The following RANBP2 variants were observed in gnomAD, a reference collection of about 807,000 sequenced individuals.
RANBP2 encodes the protein RAN binding protein 2.
In RANBP2, 57 loss-of-function variants were observed where a neutral mutation model predicts 303.6. The ratio of observed to expected loss-of-function variants is 0.19; its 90% CI spans 0.15 to 0.23. The LOEUF is 0.23. Ranked by LOEUF, RANBP2 falls within the 10% of genes least tolerant of loss-of-function variation. RANBP2 has a pLI of 1.00. For synonymous variants in RANBP2, 1,167 were observed against 1,301.5 expected (o/e 0.90, Z 2.23); for missense variants, 3,138 against 3,780.8 (o/e 0.83, Z 4.46).
the RANBP2 span, among the ~76,000 whole-genome samples, chr2:109,132,211 T>G: frequency 2.0e-5 from 3 of 152,222 alleles, no homozygotes; most frequent in Non-Finnish European, 4.4e-5. Flanking sequence ...ATTTTCCAAT[T>G]AGAAGCTCCT....
the RANBP2 span, among the ~76,000 whole-genome samples, chr2:109,201,037 A>G: frequency 1.3e-4 from 20 of 151,956 alleles, no homozygotes; most frequent in East Asian, 3.7e-3. Context: ...CCTGGGTGGG[A>G]CCCTGTGAGC....
chr2:109,516,798 C>T, the RANBP2 span, among the ~76,000 whole-genome samples: 4 of 152,242 alleles, frequency 2.6e-5, no homozygotes, highest in South Asian at 4.1e-4. Context: ...ATCTGCTAAA[C>T]GATGGCTGCA....
At chr2:109,460,836 AC>A in the RANBP2 span, among the ~76,000 whole-genome samples, 3 of 152,358 alleles carry the variant, frequency 2.0e-5, no homozygotes, top group African/African-American at 7.2e-5. Flanking sequence ...AGCAAAGTGC[AC>A]AACCAGGTGC....
At chr2:109,331,656 T>C in the RANBP2 span, among the ~76,000 whole-genome samples, 1 of 152,218 alleles carries the variant, frequency 6.6e-6, no homozygotes, top group Admixed American at 6.5e-5. Flanking sequence ...ATAAAGTGTA[T>C]GCTCCCTTAA....
the RANBP2 span, among the ~76,000 whole-genome samples, chr2:109,248,277 T>C: frequency 6.6e-6 from 1 of 152,248 alleles, no homozygotes; most frequent in East Asian, 1.9e-4. Context: ...TTTTCTTTTC[T>C]GATGTGCTCA....
At chr2:109,725,081 G>A in the RANBP2 span, among the ~76,000 whole-genome samples, 6 of 152,312 alleles carry the variant, frequency 3.9e-5, no homozygotes, top group Admixed American at 2.6e-4. Flanking sequence ...AGTGGCCACC[G>A]TGTGCCAGGC....
At chr2:109,236,069 C>T in the RANBP2 span, among the ~76,000 whole-genome samples, 2 of 152,076 alleles carry the variant, frequency 1.3e-5, no homozygotes, top group Non-Finnish European at 2.9e-5. Flanking sequence ...GGGTTGGTTT[C>T]GCCTTGACCT....
At chr2:109,588,691 G>A in the RANBP2 span, among the ~76,000 whole-genome samples, 6 of 150,766 alleles carry the variant, frequency 4.0e-5, no homozygotes, top group East Asian at 2.0e-4. Context: ...GGGTTTCACC[G>A]TGTTGGCCAG....
chr2:108,763,456 C>A lies in RANBP2; in HGVS notation c.2917C>A (p.Pro973Thr). 1.2e-6 allele frequency: 2 copies of A among 1,614,028 alleles called. No individual in the cohort carries two copies. The highest frequency in any genetic ancestry group is 1.7e-6 in the Non-Finnish European group (2 of 1,179,974). The change falls in exon 20 of 29, where the codon CCA (proline) becomes ACA (threonine). Residue 973 changes from proline to threonine, a missense_variant. Physicochemically the swap from Pro to Thr is conservative, Grantham distance 38. Transcript: ENST00000283195. Reference sequence around the variant, plus strand: ...CAATGTTCAACAGACAAGCACAAATCCACCTTTGCCAGAACCAGGATATTT... The same window carrying A: ...CAATGTTCAACAGACAAGCACAAATACACCTTTGCCAGAACCAGGATATTT... ...NYNVQQTSTNPPLPEPGYFTK... is the reference protein window; with the variant it reads ...NYNVQQTSTNTPLPEPGYFTK...
chr2:109,593,316 CAT>C, the RANBP2 span, among the ~76,000 whole-genome samples: 1 of 151,380 alleles, frequency 6.6e-6, no homozygotes, highest in Non-Finnish European at 1.5e-5. Flanking sequence ...AAGTAAATTA[CAT>C]ATAATATTCA....
At chr2:109,616,754 C>G in the RANBP2 span, 1 of 167,034 alleles carries the variant, frequency 6.0e-6, no homozygotes, top group Non-Finnish European at 1.5e-5. Flanking sequence ...GTATGGTTTC[C>G]ACCTATCTCT....
At chr2:108,831,166 G>A in the RANBP2 span, among the ~76,000 whole-genome samples, 3 of 151,402 alleles carry the variant, frequency 2.0e-5, no homozygotes, top group African/African-American at 4.9e-5. Flanking sequence ...GTTATAGAGC[G>A]GGACTCTGTC....
chr2:109,557,754 T>A, the RANBP2 span, among the ~76,000 whole-genome samples: 1 of 152,326 alleles, frequency 6.6e-6, no homozygotes, highest in African/African-American at 2.4e-5. Flanking sequence ...AATGCAATCA[T>A]TGTTTCTTAT....
chr2:109,501,403 C>T, the RANBP2 span: 2 of 565,010 alleles, frequency 3.5e-6, no homozygotes. Flanking sequence ...GGGAAAATAG[C>T]AGCAAATAAC....
the RANBP2 span, among the ~76,000 whole-genome samples, chr2:108,916,529 G>A: frequency 2.6e-5 from 4 of 152,002 alleles, no homozygotes; most frequent in African/African-American, 4.8e-5. Flanking sequence ...ACCTGCCCTC[G>A]GCCAGCTGTG....
the RANBP2 span, among the ~76,000 whole-genome samples, chr2:109,708,254 C>T: frequency 6.6e-6 from 1 of 151,116 alleles, no homozygotes; most frequent in South Asian, 2.1e-4. Context: ...GGCATGGTGG[C>T]ACACGCCTGT....
chr2:108,732,818 T>A (rs1695278049), intron 4 of RANBP2, among the ~76,000 whole-genome samples: 1 of 152,052 alleles, frequency 6.6e-6, no homozygotes. Context: ...GTATGTGACG[T>A]TTTTTTCTTT....
At chr2:109,685,486 G>A in the RANBP2 span, among the ~76,000 whole-genome samples, 2 of 152,286 alleles carry the variant, frequency 1.3e-5, no homozygotes, top group Admixed American at 6.5e-5. Flanking sequence ...GAAACCTAGC[G>A]TGTGTTTTGA....
chr2:108,995,884 T>C, the RANBP2 span, among the ~76,000 whole-genome samples: 1 of 152,134 alleles, frequency 6.6e-6, no homozygotes, highest in Non-Finnish European at 1.5e-5. Flanking sequence ...CAGGCCCAAA[T>C]TACCTGCCTC....
Sources: allele counts gnomAD v4.1 joint callset (sites outside exome capture counted in the v4.1 genomes callset), GRCh38; gene constraint gnomAD v4.1.1; transcripts MANE v1.5; gene names NCBI Gene and HGNC (gene_info 2026-07-23, HGNC 2026-07-21).